AUTS2: variants seen among roughly 807,000 people sequenced by gnomAD.
AUTS2 encodes the protein activator of transcription and developmental regulator AUTS2, also known as autism susceptibility gene 2 protein.
In AUTS2, 17 loss-of-function variants were observed where a neutral mutation model predicts 112.4. The ratio of observed to expected loss-of-function variants is 0.15; its 90% CI spans 0.10 to 0.23. The LOEUF is 0.23. Among genes scored for constraint, AUTS2 ranks in the 10% least tolerant of loss-of-function variants. The pLI is 1.00. For missense variants in AUTS2, 1,510 were observed against 1,701.6 expected, an observed-to-expected ratio of 0.89 and a Z score of 1.98; for synonymous variants, 751 against 702.7, an observed-to-expected ratio of 1.07 and a Z score of -1.09.
At chr7:70,074,706 C>A (rs1182188088) in intron 2 of AUTS2, among the ~76,000 whole-genome samples, 1 of 152,154 alleles carries the variant, frequency 6.6e-6, no homozygotes, top group African/African-American at 2.4e-5. Flanking sequence ...GCTTCCCAAC[C>A]CTGTCTCATC....
chr7:70,333,407 C>T (rs1790846104), intron 4 of AUTS2, among the ~76,000 whole-genome samples: 1 of 152,098 alleles, frequency 6.6e-6, no homozygotes, highest in African/African-American at 2.4e-5. Flanking sequence ...GGTGATTCCT[C>T]AAGGATCTAG....
At chr7:70,348,766 A>C (rs951518375) in intron 4 of AUTS2, among the ~76,000 whole-genome samples, 1 of 152,152 alleles carries the variant, frequency 6.6e-6, no homozygotes, top group Admixed American at 6.5e-5. Flanking sequence ...AGCCGAGATC[A>C]TGCCACTGCA....
intron 6 of AUTS2, among the ~76,000 whole-genome samples, chr7:70,711,693 G>A (rs1251512609): frequency 1.3e-5 from 2 of 152,214 alleles, no homozygotes; most frequent in Non-Finnish European, 2.9e-5. Flanking sequence ...ACTGCTGCAA[G>A]TGAGGCCTCT....
intron 4 of AUTS2, among the ~76,000 whole-genome samples, chr7:70,262,626 T>C (rs987931304): frequency 3.9e-5 from 6 of 152,228 alleles, no homozygotes; most frequent in African/African-American, 1.4e-4. Flanking sequence ...GCATATGTTT[T>C]ATGAATGGTA....
chr7:69,694,556 A>G (rs1292728744), intron 1 of AUTS2, among the ~76,000 whole-genome samples: 1 of 152,192 alleles, frequency 6.6e-6, no homozygotes, highest in Non-Finnish European at 1.5e-5. Context: ...AGATGGGCAG[A>G]TGGCTTGGGC....
At chr7:69,608,466 G>C (rs1792852787) in intron 1 of AUTS2, among the ~76,000 whole-genome samples, 1 of 152,168 alleles carries the variant, frequency 6.6e-6, no homozygotes, top group Admixed American at 6.5e-5. Flanking sequence ...CATATTATAA[G>C]TATTTCTTAG....
intron 2 of AUTS2, among the ~76,000 whole-genome samples, chr7:69,991,099 G>A (rs1798725283): frequency 6.6e-6 from 1 of 152,190 alleles, no homozygotes; most frequent in Non-Finnish European, 1.5e-5. Context: ...AAATGAAAGA[G>A]AGTCTGGGAA....
At chr7:70,489,231 G>T (rs914128206) in intron 5 of AUTS2, among the ~76,000 whole-genome samples, 1 of 152,178 alleles carries the variant, frequency 6.6e-6, no homozygotes. Flanking sequence ...CACAAATGCG[G>T]TTCTGCTGTG....
chr7:69,792,085 A>G (rs377285753), intron 1 of AUTS2, among the ~76,000 whole-genome samples: 1 of 152,102 alleles, frequency 6.6e-6, no homozygotes, highest in African/African-American at 2.4e-5. Context: ...TAGAGTGGAA[A>G]GTGGTTTAAA....
At chr7:70,398,646 A>G (rs1280218379) in intron 4 of AUTS2, among the ~76,000 whole-genome samples, 1 of 152,172 alleles carries the variant, frequency 6.6e-6, no homozygotes, top group Admixed American at 6.5e-5. Flanking sequence ...TGATCTTTCT[A>G]CATAGATAGT....
chr7:69,746,066 G>A (rs941099316), intron 1 of AUTS2, among the ~76,000 whole-genome samples: 79 of 151,766 alleles, frequency 5.2e-4, no homozygotes, highest in African/African-American at 1.8e-3. Flanking sequence ...TTAGAGACAC[G>A]GTCTCCCTAT....
At chr7:70,049,487 G>A (rs949712572) in intron 2 of AUTS2, among the ~76,000 whole-genome samples, 4 of 151,740 alleles carry the variant, frequency 2.6e-5, no homozygotes, top group African/African-American at 7.3e-5. Flanking sequence ...CTGCCACCAC[G>A]CCTGGCTAAT....
At chr7:70,676,049 C>T (rs762179883) in intron 5 of AUTS2, among the ~76,000 whole-genome samples, 14 of 152,106 alleles carry the variant, frequency 9.2e-5, no homozygotes, top group African/African-American at 2.2e-4. Context: ...TCACATCTCA[C>T]GAACGAAATG....
rs113487895 is a variant in AUTS2 at position 70,071,992 on chromosome 7, T to G, written c.523-46140T>G. Among the ~76,000 whole-genome samples the G allele has an allele frequency of 2.9e-3, 437 of 152,276 alleles. 2 individuals are homozygous for G. Among genetic ancestry groups the G allele is most frequent in the Middle Eastern group, 0.01 (3 of 294 alleles). On this transcript the variant is annotated intron_variant, in intron 2 of 18. Coordinates refer to ENST00000342771, the MANE Select transcript of AUTS2 (RefSeq NM_015570.4). ...TCTCTAATAGCAGGGTTACTGGCCT[T>G]GCTGCGGCCCAAGGGAAAACTCTGC...
At chr7:70,585,554 C>T (rs542795005) in intron 5 of AUTS2, among the ~76,000 whole-genome samples, 4 of 152,266 alleles carry the variant, frequency 2.6e-5, no homozygotes, top group African/African-American at 7.2e-5. Context: ...ATACAGATCG[C>T]GTATATTAAC....
At chr7:70,384,136 A>G (rs1273521645) in intron 4 of AUTS2, among the ~76,000 whole-genome samples, 2 of 152,174 alleles carry the variant, frequency 1.3e-5, no homozygotes, top group African/African-American at 2.4e-5. Context: ...CCCTCCTGCC[A>G]TGTGCCTGTG....
chr7:70,583,501 T>G (rs932174299), intron 5 of AUTS2, among the ~76,000 whole-genome samples: 1 of 152,154 alleles, frequency 6.6e-6, no homozygotes, highest in Non-Finnish European at 1.5e-5. Flanking sequence ...CGTTAACTCT[T>G]TCATGGGAGG....
chr7:70,629,769 CT>C (rs1805161400), intron 5 of AUTS2, among the ~76,000 whole-genome samples: 1 of 147,976 alleles, frequency 6.8e-6, no homozygotes, highest in Non-Finnish European at 1.5e-5. Context: ...TTTTTTTTTT[CT>C]TTTTTAAAAG....
chr7:70,039,120 T>C (rs1009803604), intron 2 of AUTS2, among the ~76,000 whole-genome samples: 46 of 152,146 alleles, frequency 3.0e-4, no homozygotes, highest in Admixed American at 2.9e-3. Context: ...TTGTAAAAAT[T>C]GGTAATAATA....
Sources: allele counts gnomAD v4.1 joint callset (sites outside exome capture counted in the v4.1 genomes callset), GRCh38; gene constraint gnomAD v4.1.1; transcripts MANE v1.5; gene names NCBI Gene and HGNC (gene_info 2026-07-23, HGNC 2026-07-21).